CHTF18: variants seen among roughly 807,000 people sequenced by gnomAD.
CHTF18 encodes chromosome transmission fidelity factor 18, also known as chromosome transmission fidelity protein 18 homolog.
A neutral mutation model predicts 113.4 loss-of-function variants in CHTF18; 151 were observed. The ratio of observed to expected loss-of-function variants is 1.33; its 90% CI spans 1.17 to 1.52. The LOEUF (loss-of-function observed/expected upper bound fraction) is 1.52, where lower values mean the gene tolerates loss of function less well. CHTF18 is among the 40% of genes most tolerant of loss of function. The probability of loss-of-function intolerance (pLI) is 0.00; values close to 1 mark genes in which losing one functional copy is unlikely to be tolerated. For synonymous variants in CHTF18, 916 were observed against 598.8 expected, an observed-to-expected ratio of 1.53 and a Z score of -7.74; for missense variants, 1,982 against 1,381.6, an observed-to-expected ratio of 1.43 and a Z score of -6.89.
At chr16:790,147 C>T (rs1231862722) in intron 4 of CHTF18, 30 bp from the exon 5 acceptor site, 13 of 1,565,384 alleles carry the variant, frequency 8.3e-6, no homozygotes, top group African/African-American at 1.4e-5. Flanking sequence ...TAGGAGGGGC[C>T]CAGAGGCAAT....
At position 792,768 on chromosome 16, in the gene CHTF18, T is replaced by C. The variant is rs773993658; in HGVS notation, c.1529T>C (p.Phe510Ser). 1 of 1,547,502 alleles carries C rather than the reference T, an allele frequency of 6.5e-7. No individual in the cohort carries two copies. Among genetic ancestry groups the C allele is most frequent in the Non-Finnish European group, 8.7e-7 (1 of 1,150,740 alleles). ...QLKQQAFLLHFPPTLPSRLVQ... is the reference protein window; with the variant it reads ...QLKQQAFLLHSPPTLPSRLVQ... ...AAGCAGCAGGCCTTCCTGCTCCACT[T>C]CCCGCCGACTCTGCCCTCGAGGCTG... Residue 510 changes from phenylalanine to serine, a missense_variant, in exon 12 of 22, where the codon TTC (phenylalanine) becomes TCC (serine). Physicochemically the swap from Phe to Ser is radical, Grantham distance 155. Transcript: ENST00000262315.
chr16:797,515 C>T (rs2042386093), intron 20 of CHTF18, among the ~76,000 whole-genome samples, 179 bp from the exon 21 acceptor site: 2 of 152,124 alleles, frequency 1.3e-5, no homozygotes. Flanking sequence ...TGATTGGCAC[C>T]TGGTGGGGAG....
In CHTF18 at chr16:789,658, G is replaced by A. The variant is rs549221063; in HGVS notation, c.549G>A (p.Thr183=). The change falls in exon 4 of 22, where the codon ACG becomes ACA. Residue 183 remains threonine, a synonymous_variant. Coordinates refer to ENST00000262315, the MANE Select transcript of CHTF18 (RefSeq NM_022092.3). The part of the protein sequence containing the change: ...ILEDYVHVTS[T]EGVRAYLVLR... Reference sequence around the variant, plus strand: ...AGGACTACGTCCACGTGACATCCACGGAGGGCGTCCGGGCTTATCTGGTGC... The same window carrying A: ...AGGACTACGTCCACGTGACATCCACAGAGGGCGTCCGGGCTTATCTGGTGC... 2.7e-5 allele frequency: 43 copies of A among 1,604,934 alleles called. No individual in the cohort carries two copies. Among genetic ancestry groups the A allele is most frequent in the East Asian group, 4.5e-5 (2 of 44,866 alleles).
Position 795,169 on chromosome 16 carries a change from A to G in CHTF18, c.1988A>G (p.Asp663Gly). 1 of 1,555,706 alleles carries G rather than the reference A, an allele frequency of 6.4e-7. No homozygotes were observed. Among genetic ancestry groups the G allele is most frequent in the Non-Finnish European group, 8.7e-7 (1 of 1,150,192 alleles). The stretch of plus-strand genomic sequence containing the variant: ...AACTTCCTGCGTCTGCGGCTGCGAG[A>G]CTCCAGCCTGGGTGCTGTGTGTGTG... ...FDNFLRLRLR[D>G]SSLGAVCVAL... is the part of the protein sequence containing the mutation. Residue 663 changes from aspartate (D) to glycine (G), a missense_variant, in exon 16 of 22, where the codon GAC becomes GGC. Transcript: ENST00000262315.
chr16:789,313 C>T lies in CHTF18; in HGVS notation c.390C>T (p.Ile130=). ...CTCCCGACTCCTCGCCGACGGACATCACCCCGCCGCCGAGCCCTGAGGACC... is the reference window on the plus strand; with the variant it reads ...CTCCCGACTCCTCGCCGACGGACATTACCCCGCCGCCGAGCCCTGAGGACC... ...PPPPDSSPTD[I]TPPPSPEDLA... is the part of the protein sequence containing the mutation. The change falls in exon 3 of 22, where the codon ATC becomes ATT. Residue 130 remains isoleucine, a synonymous_variant. Coordinates refer to ENST00000262315, the MANE Select transcript of CHTF18 (RefSeq NM_022092.3). 1 of 1,600,420 alleles carries T rather than the reference C, an allele frequency of 6.2e-7. No homozygotes were observed. Among genetic ancestry groups the T allele is most frequent in the Non-Finnish European group, 8.5e-7 (1 of 1,174,612 alleles).
In CHTF18 at chr16:797,690, T is replaced by G. The variant is rs1216759425; in HGVS notation, c.2734-4T>G. On this transcript the variant is annotated splice_polypyrimidine_tract_variant and splice_region_variant and intron_variant, in intron 20 of 21. Coordinates refer to ENST00000262315, the MANE Select transcript of CHTF18 (RefSeq NM_022092.3). ...TACGACTGACTAGTCCTTCCTCCCA[T>G]CAGCCTGAGAAGGACTTCTTTGGAC... 10 of 1,609,140 alleles carry G rather than the reference T, an allele frequency of 6.2e-6. No homozygotes were observed. Among genetic ancestry groups the G allele is most frequent in the Non-Finnish European group, 7.6e-6 (9 of 1,178,684 alleles).
At chr16:795,496 CCAAACACACTGCCCG>C (rs2042316307) in intron 16 of CHTF18, 140 bp downstream of exon 16, 1 of 339,272 alleles carries the variant, frequency 2.9e-6, no homozygotes, top group Non-Finnish European at 4.7e-6. Flanking sequence ...GCCCGCCCCC[CCAAACACACTGCCCG>C]TGTGGCTGCC....
rs1490381910 is a variant in CHTF18 at position 792,225 on chromosome 16, G to A, written c.1204G>A (p.Asp402Asn). The change falls in exon 10 of 22, where the codon GAC (aspartate) becomes AAC (asparagine). Residue 402 changes from aspartate (D) to asparagine (N), a missense_variant and splice_region_variant. By Grantham distance (23) the Asp-to-Asn change is conservative (BLOSUM62 1). Transcript: ENST00000262315. ...CGACCCCTGACCTCCCCATTGCAGT[G>A]ACGACCGTAGCCCGGAGGTCTTCCG... is the stretch of plus-strand genomic sequence containing the variant. ...GYSVVEMNAS[D>N]DRSPEVFRTR... The A allele has an allele frequency of 6.4e-7, 1 of 1,570,990 alleles. No individual in the cohort carries two copies. The highest frequency in any genetic ancestry group is 8.6e-7 in the Non-Finnish European group (1 of 1,159,066).
In CHTF18 at chr16:789,056, A is replaced by G. The variant is rs767480753; in HGVS notation, c.217A>G (p.Ser73Gly). The G allele has an allele frequency of 1.9e-6, 3 of 1,538,740 alleles. No homozygotes were observed. The South Asian group carries it at 3.6e-5, about 18-fold the overall frequency. The change falls in exon 2 of 22, where the codon AGC becomes GGC. Residue 73 changes from serine (S) to glycine (G), a missense_variant. Ser to Gly is a moderately conservative substitution (Grantham distance 56). Coordinates refer to ENST00000262315, the MANE Select transcript of CHTF18 (RefSeq NM_022092.3). ...TCCCGCCCCAGCCGCATCTGTGGGC[A>G]GCAGCCAGGGCGGCGCCAGGAAGAG... The part of the protein sequence containing the change: ...SSPAPAASVG[S>G]SQGGARKRQV...
Position 792,552 on chromosome 16 carries a change from GCTC to G in CHTF18, c.1444_1446del (p.Leu482del), listed in dbSNP as rs1478052414. ...GCCGACGGCGCCGGGCAGAGGGGGG[GCTC>G]CTCATGAGGCCCATTATCTGCATTT... is the stretch of plus-strand genomic sequence containing the variant. On this transcript the variant is annotated inframe_deletion, in exon 11 of 22. Coordinates refer to ENST00000262315, the MANE Select transcript of CHTF18 (RefSeq NM_022092.3). The G allele has an allele frequency of 6.3e-7, 1 of 1,596,280 alleles. No homozygotes were observed. The highest frequency in any genetic ancestry group is 1.4e-5 in the African/African-American group (1 of 73,764).
Position 789,355 on chromosome 16 carries a change from C to T in CHTF18, c.432C>T (p.Gly144=), listed in dbSNP as rs765751707. The change falls in exon 3 of 22, where the codon GGC becomes GGT. Residue 144 remains glycine (G), a synonymous_variant. Coordinates refer to ENST00000262315, the MANE Select transcript of CHTF18 (RefSeq NM_022092.3). ...PSPEDLAELW[G]HGVSEAAADV... is the part of the protein sequence containing the mutation. ...CTGAGGACCTCGCAGAGCTTTGGGG[C>T]CACGGGTGTGTGGCTTGGACATGGG... is the stretch of plus-strand genomic sequence containing the variant. 19 of 1,588,866 alleles carry T rather than the reference C, an allele frequency of 1.2e-5. No individual in the cohort carries two copies. The South Asian group carries it at 1.6e-4, about 14-fold the overall frequency.
Position 795,972 on chromosome 16 carries a change from G to C in CHTF18, c.2351G>C (p.Arg784Pro), listed in dbSNP as rs749716607. 6.8e-6 allele frequency: 11 copies of C among 1,609,260 alleles called. No individual in the cohort carries two copies. The highest frequency in any genetic ancestry group is 9.3e-6 in the Non-Finnish European group (11 of 1,178,464). Residue 784 changes from arginine (R) to proline (P), a missense_variant, in exon 18 of 22, where the codon CGT becomes CCT. Physicochemically the swap from Arg to Pro is moderately radical, Grantham distance 103. Transcript: ENST00000262315. ...RPVSTQLYST[R>P]EKQQLASLVG... is the part of the protein sequence containing the mutation. ...GTGAGCACACAGCTGTACAGCACCC[G>C]TGAAAAGCAACAGCTGGCCAGCCTG...
chr16:788,706 C>T lies in CHTF18; in HGVS notation c.22C>T (p.Leu8=), dbSNP rs749063840. 3.8e-6 allele frequency: 6 copies of T among 1,599,582 alleles called. No homozygotes were observed. The highest frequency in any genetic ancestry group is 2.3e-5 in the East Asian group (1 of 43,560). ...CGGTATGGAGGACTACGAGCAGGAG[C>T]TGTGCGGCGTCGAGGATGATTTCCA... MEDYEQE[L]CGVEDDFHNQ... Residue 8 remains leucine, a synonymous_variant, in exon 1 of 22, where the codon CTG becomes TTG. Transcript: ENST00000262315.
In CHTF18 at chr16:791,806, C is replaced by T. The variant is rs753444829; in HGVS notation, c.1105-45C>T. ...CCCTGGCTGCTAGGCCGGGAGCGTC[C>T]TGTAGGTGCGGTGCACACTACGCCT... On this transcript the variant is annotated intron_variant, in intron 8 of 21. Transcript: ENST00000262315. 5.8e-6 allele frequency: 9 copies of T among 1,557,682 alleles called. No homozygotes were observed. The African/African-American group carries it at 9.5e-5, about 16-fold the overall frequency.
At position 791,722 on chromosome 16, in the gene CHTF18, T is replaced by C. The variant is rs562973052; in HGVS notation, c.1105-129T>C. On this transcript the variant is annotated intron_variant, in intron 8 of 21. Transcript: ENST00000262315. ...GTGTGAAAGTGCTCAATTTTGTTCT[T>C]ATTTGATGGCTGGAGTGGGGTGGAG... 42 of 1,446,990 alleles carry C rather than the reference T, an allele frequency of 2.9e-5. No homozygotes were observed. In the African/African-American group the frequency reaches 5.3e-4, roughly 18 times the overall value. 89.6% of individuals were successfully genotyped at this position (1,446,990 alleles called of 1,614,324 possible). A position where few individuals can be genotyped will look rare whatever the true frequency, so the allele number is the denominator to read the frequency against.
At position 792,770 on chromosome 16, in the gene CHTF18, C is replaced by G; in HGVS notation, c.1531C>G (p.Pro511Ala). 1 of 1,548,222 alleles carries G rather than the reference C, an allele frequency of 6.5e-7. No individual in the cohort carries two copies. Among genetic ancestry groups the G allele is most frequent in the South Asian group, 1.2e-5 (1 of 84,598 alleles). ...LKQQAFLLHF[P>A]PTLPSRLVQR... ...GCAGCAGGCCTTCCTGCTCCACTTC[C>G]CGCCGACTCTGCCCTCGAGGCTGGT... Residue 511 changes from proline to alanine, a missense_variant, in exon 12 of 22, where the codon CCG becomes GCG. By Grantham distance (27) the Pro-to-Ala change is conservative (BLOSUM62 -1). Coordinates refer to ENST00000262315, the MANE Select transcript of CHTF18 (RefSeq NM_022092.3).
intron 7 of CHTF18, 49 bp downstream of exon 7, chr16:790,715 G>A (rs756959145): frequency 1.1e-5 from 16 of 1,483,522 alleles, no homozygotes; most frequent in East Asian, 4.7e-5. Flanking sequence ...CTGTTCCCAA[G>A]ATGGAAGAAC....
chr16:790,237 T>C lies in CHTF18; in HGVS notation c.667T>C (p.Leu223=). 3 of 1,606,738 alleles carry C rather than the reference T, an allele frequency of 1.9e-6. No individual in the cohort carries two copies. Among genetic ancestry groups the C allele is most frequent in the Non-Finnish European group, 2.5e-6 (3 of 1,177,510 alleles). ...GGQLDLLGVS[L]ASLKKQVDGE... ...CCAGCTGGACCTGCTGGGTGTGTCC[T>C]TAGCCTCCCTGAAGAAGCAGGTCGA... Residue 223 remains leucine, a synonymous_variant, in exon 5 of 22, where the codon TTA becomes CTA. Coordinates refer to ENST00000262315, the MANE Select transcript of CHTF18 (RefSeq NM_022092.3).
chr16:792,438 G>A lies in CHTF18; in HGVS notation c.1327-1G>A, dbSNP rs1163551641. 1.9e-6 allele frequency: 3 copies of A among 1,561,214 alleles called. No homozygotes were observed. The highest frequency in any genetic ancestry group is 2.6e-6 in the Non-Finnish European group (3 of 1,153,154). The stretch of plus-strand genomic sequence containing the variant: ...CACCGTGTCCTCTGACCTCCCCCAA[G>A]GCCGCCATCAACGTCCTCCTGAGCA... On this transcript the variant is annotated splice_acceptor_variant, in intron 10 of 21. Transcript: ENST00000262315. LOFTEE classifies it high-confidence loss of function.
Sources: allele counts gnomAD v4.1 joint callset (sites outside exome capture counted in the v4.1 genomes callset), GRCh38; gene constraint gnomAD v4.1.1; transcripts MANE v1.5; gene names NCBI Gene and HGNC (gene_info 2026-07-23, HGNC 2026-07-21).